The following MAN2A1 variants were observed in gnomAD, a reference collection of about 807,000 sequenced individuals.
MAN2A1 encodes mannosidase alpha class 2A member 1, also known as alpha-mannosidase 2.
MAN2A1 carries 76 observed loss-of-function variants against 142.6 expected under a neutral mutation model. The observed-to-expected ratio is 0.53, with a 90% confidence interval of 0.44 to 0.65. The LOEUF is 0.65. Ranked by LOEUF, MAN2A1 falls within the 30% of genes least tolerant of loss-of-function variation. The pLI, the probability that MAN2A1 is intolerant of heterozygous loss-of-function variation, is 0.00. For missense variants in MAN2A1, 1,311 were observed against 1,365.1 expected (o/e 0.96, Z 0.62); for synonymous variants, 559 against 473.2 (o/e 1.18, Z -2.35).
intron 1 of MAN2A1, among the ~76,000 whole-genome samples, chr5:109,696,458 A>T (rs1750815140): frequency 6.6e-6 from 1 of 152,254 alleles, no homozygotes; most frequent in South Asian, 2.1e-4. Flanking sequence ...TTTCTAAAGA[A>T]GAGAAAGTAC....
intron 12 of MAN2A1, among the ~76,000 whole-genome samples, chr5:109,815,812 A>C (rs769161505): frequency 6.6e-6 from 1 of 152,320 alleles, no homozygotes. Context: ...ATCTATAGCT[A>C]CAATGTATTG....
intron 1 of MAN2A1, among the ~76,000 whole-genome samples, chr5:109,696,720 C>G (rs1332941297): frequency 3.9e-5 from 6 of 152,200 alleles, no homozygotes; most frequent in African/African-American, 1.4e-4. Context: ...GAGTGGGAAT[C>G]ATCCCTGTTG....
chr5:109,766,492 T>C (rs1194802695), intron 5 of MAN2A1, among the ~76,000 whole-genome samples: 1 of 152,194 alleles, frequency 6.6e-6, no homozygotes, highest in Non-Finnish European at 1.5e-5. Context: ...CTTATTGTCC[T>C]TTACTGGCTC....
At chr5:109,746,340 TTA>T (rs1422277363) in intron 4 of MAN2A1, among the ~76,000 whole-genome samples, 2 of 152,100 alleles carry the variant, frequency 1.3e-5, no homozygotes, top group Admixed American at 6.6e-5. Context: ...AGAAAAAAAT[TTA>T]GTTTAATTTA....
chr5:109,832,242 T>C (rs1404808024), intron 16 of MAN2A1, among the ~76,000 whole-genome samples: 3 of 146,100 alleles, frequency 2.1e-5, no homozygotes, highest in Non-Finnish European at 4.5e-5. Flanking sequence ...GGCAGGGTCA[T>C]AGGACAATAG....
intron 12 of MAN2A1, among the ~76,000 whole-genome samples, chr5:109,809,616 G>C (rs1209462099): frequency 2.0e-5 from 3 of 151,988 alleles, no homozygotes; most frequent in Non-Finnish European, 2.9e-5. Context: ...GTCAGCTGAT[G>C]ATCTTATTGT....
intron 5 of MAN2A1, among the ~76,000 whole-genome samples, chr5:109,761,171 AAT>A (rs1289056796): frequency 6.6e-6 from 1 of 150,850 alleles, no homozygotes; most frequent in East Asian, 1.9e-4. Flanking sequence ...ATAAATATGT[AAT>A]AAAATCATAA....
rs199928178 is a variant in MAN2A1 at position 109,819,623 on chromosome 5, T to G, written c.2110-46T>G. ...AAAATATAAATGGTTTGCCTCTCAG[T>G]AGATAACATTTATCTTTAATAAATT... On this transcript the variant is annotated intron_variant, in intron 13 of 21. Coordinates refer to ENST00000261483, the MANE Select transcript of MAN2A1 (RefSeq NM_002372.4). 3 of 1,160,724 alleles carry G rather than the reference T, an allele frequency of 2.6e-6. No homozygotes were observed. The African/African-American group carries it at 4.7e-5, about 18-fold the overall frequency. The allele number at this position is 1,160,724 out of a possible 1,614,324, so 71.9% of individuals were successfully genotyped here.
chr5:109,840,405 C>A, intron 16 of MAN2A1: 1 of 411,164 alleles, frequency 2.4e-6, no homozygotes, highest in Admixed American at 2.9e-5. Flanking sequence ...GTAATGATTC[C>A]TCCTACAGGT....
intron 8 of MAN2A1, among the ~76,000 whole-genome samples, chr5:109,775,196 T>C (rs1441394441): frequency 6.6e-6 from 1 of 152,176 alleles, no homozygotes; most frequent in Non-Finnish European, 1.5e-5. Flanking sequence ...AATTTACTTT[T>C]ATGTGATTGA....
chr5:109,768,922 G>T (rs567807228), intron 6 of MAN2A1, among the ~76,000 whole-genome samples: 1 of 152,258 alleles, frequency 6.6e-6, no homozygotes, highest in South Asian at 2.1e-4. Context: ...GTACTTTTAT[G>T]TATTTCAGTA....
At chr5:109,806,106 T>C (rs1028907705) in intron 12 of MAN2A1, among the ~76,000 whole-genome samples, 1 of 152,150 alleles carries the variant, frequency 6.6e-6, no homozygotes, top group Non-Finnish European at 1.5e-5. Flanking sequence ...GGGGTGAATA[T>C]AGAGCAGTCT....
chr5:109,811,919 ATCAC>A (rs1459610708), intron 12 of MAN2A1, among the ~76,000 whole-genome samples: 1 of 152,124 alleles, frequency 6.6e-6, no homozygotes, highest in Non-Finnish European at 1.5e-5. Context: ...TATCTGTATT[ATCAC>A]CTGTTGTTAA....
chr5:109,833,110 T>G, intron 16 of MAN2A1, among the ~76,000 whole-genome samples: 4 of 126,416 alleles, frequency 3.2e-5, no homozygotes, highest in Non-Finnish European at 5.0e-5. Flanking sequence ...TCTCAGACGA[T>G]GGGTGGCCGG....
At chr5:109,802,803 C>G (rs1232382331) in intron 12 of MAN2A1, among the ~76,000 whole-genome samples, 2 of 151,866 alleles carry the variant, frequency 1.3e-5, no homozygotes, top group African/African-American at 2.4e-5. Flanking sequence ...TTGTAGCTTC[C>G]TAATTATACT....
intron 7 of MAN2A1, among the ~76,000 whole-genome samples, chr5:109,774,139 T>C (rs892147516): frequency 2.0e-5 from 3 of 152,196 alleles, no homozygotes; most frequent in African/African-American, 7.2e-5. Flanking sequence ...ATTCAACTCC[T>C]AATCCTTATC....
chr5:109,847,543 AC>A (rs1304520491), intron 18 of MAN2A1, 113 bp from the exon 19 acceptor site: 2 of 916,144 alleles, frequency 2.2e-6, no homozygotes. Flanking sequence ...CACCTCCTTG[AC>A]TAGAGAGGAA....
chr5:109,701,209 AC>A (rs538327247), intron 1 of MAN2A1, among the ~76,000 whole-genome samples: 100 of 152,316 alleles, frequency 6.6e-4, no homozygotes, highest in South Asian at 1.4e-3. Flanking sequence ...AAAAACAGAA[AC>A]AAGTTTTGGT....
chr5:109,836,770 C>G (rs1420246543), intron 16 of MAN2A1, among the ~76,000 whole-genome samples: 1 of 152,104 alleles, frequency 6.6e-6, no homozygotes, highest in Non-Finnish European at 1.5e-5. Context: ...TCACACATTA[C>G]AGATATAAAG....
Sources: allele counts gnomAD v4.1 joint callset (sites outside exome capture counted in the v4.1 genomes callset), GRCh38; gene constraint gnomAD v4.1.1; transcripts MANE v1.5; gene names NCBI Gene and HGNC (gene_info 2026-07-23, HGNC 2026-07-21).